The following KHDRBS2 variants were observed in gnomAD, a reference collection of about 807,000 sequenced individuals.
KHDRBS2 encodes KH RNA binding domain containing, signal transduction associated 2.
A neutral mutation model predicts 44.3 loss-of-function variants in KHDRBS2; 26 were observed. The ratio of observed to expected loss-of-function variants is 0.59; its 90% confidence interval spans 0.43 to 0.81. KHDRBS2 has a LOEUF of 0.81. Among genes scored for constraint, KHDRBS2 ranks in the 40% least tolerant of loss-of-function variants. The probability of loss-of-function intolerance (pLI) is 0.00; values close to 1 mark genes in which losing one functional copy is unlikely to be tolerated. For missense variants in KHDRBS2, 476 were observed against 433.1 expected (o/e 1.10, Z -0.88); for synonymous variants, 194 against 151.1 (o/e 1.28, Z -2.08).
the KHDRBS2 span, among the ~76,000 whole-genome samples, chr6:61,637,702 C>T: frequency 6.6e-6 from 1 of 152,092 alleles, no homozygotes; most frequent in East Asian, 1.9e-4. Flanking sequence ...CCTGTTGTTT[C>T]CTGACTTTTT....
Position 62,286,071 on chromosome 6 carries a change from T to A in KHDRBS2, c.-123A>T, listed in dbSNP as rs1408603501. ...TCCTCCGCGCGGCGAGGGATCTCTG[T>A]GCGTCCTCACTGGCCCATGCACCCA... On this transcript the variant is annotated 5_prime_UTR_variant, in exon 1 of 9. Coordinates refer to ENST00000281156, the MANE Select transcript of KHDRBS2 (RefSeq NM_152688.4). 2 of 691,596 alleles carry A rather than the reference T, an allele frequency of 2.9e-6. No individual in the cohort carries two copies. Among genetic ancestry groups the A allele is most frequent in the Non-Finnish European group, 5.2e-6 (2 of 386,720 alleles). 42.8% of individuals were successfully genotyped at this position (691,596 alleles called of 1,614,324 possible).
At chr6:61,732,843 A>G in intron 6 of KHDRBS2, 79 bp from the exon 7 acceptor site, 2 of 791,066 alleles carry the variant, frequency 2.5e-6, no homozygotes, top group South Asian at 2.8e-5. Context: ...ACAATTTTAT[A>G]CAATGTGATC....
intron 1 of KHDRBS2, among the ~76,000 whole-genome samples, chr6:62,236,977 G>C (rs568281756): frequency 6.6e-6 from 1 of 152,136 alleles, no homozygotes; most frequent in Non-Finnish European, 1.5e-5. Context: ...TGATGACTCA[G>C]GATCTATTTT....
chr6:61,960,777 GA>G (rs1768507929), intron 4 of KHDRBS2, among the ~76,000 whole-genome samples: 2 of 152,006 alleles, frequency 1.3e-5, no homozygotes, highest in Non-Finnish European at 2.9e-5. Context: ...GTACATTTGA[GA>G]ACAAATTTTA....
At chr6:62,201,376 T>C (rs1826955499) in intron 1 of KHDRBS2, among the ~76,000 whole-genome samples, 1 of 152,096 alleles carries the variant, frequency 6.6e-6, no homozygotes, top group South Asian at 2.1e-4. Context: ...TTGAAAGTTG[T>C]AAGAAGGGGC....
chr6:62,146,959 G>T (rs1241298283), intron 2 of KHDRBS2, among the ~76,000 whole-genome samples: 1 of 151,836 alleles, frequency 6.6e-6, no homozygotes, highest in African/African-American at 2.4e-5. Context: ...ACTGTAAAAG[G>T]TTATATTTTT....
chr6:62,178,626 T>C (rs1821628784), intron 1 of KHDRBS2, among the ~76,000 whole-genome samples: 1 of 151,582 alleles, frequency 6.6e-6, no homozygotes, highest in South Asian at 2.1e-4. Flanking sequence ...AAAGACTGTG[T>C]AGTTACAACT....
At chr6:61,937,290 T>C (rs939687127) in intron 4 of KHDRBS2, among the ~76,000 whole-genome samples, 2 of 152,014 alleles carry the variant, frequency 1.3e-5, no homozygotes, top group Non-Finnish European at 2.9e-5. Flanking sequence ...TTTATTATAC[T>C]GTCCTGTCTT....
chr6:62,015,706 C>A (rs1007376267), intron 3 of KHDRBS2, among the ~76,000 whole-genome samples: 4 of 152,098 alleles, frequency 2.6e-5, no homozygotes, highest in Non-Finnish European at 5.9e-5. Flanking sequence ...AACAACAGTT[C>A]CATATAGATA....
chr6:62,210,728 A>C (rs1828904055), intron 1 of KHDRBS2, among the ~76,000 whole-genome samples: 1 of 152,114 alleles, frequency 6.6e-6, no homozygotes, highest in African/African-American at 2.4e-5. Flanking sequence ...TAACAGAGAA[A>C]CCTGAATATG....
downstream of KHDRBS2, among the ~76,000 whole-genome samples, chr6:61,678,309 C>T (rs907188492): frequency 7.2e-5 from 11 of 151,982 alleles, no homozygotes; most frequent in African/African-American, 1.9e-4. Context: ...TTCTCGTGTA[C>T]GGAAACCAAG....
At chr6:61,833,979 A>T (rs554951516) in intron 6 of KHDRBS2, among the ~76,000 whole-genome samples, 11 of 152,212 alleles carry the variant, frequency 7.2e-5, no homozygotes, top group Non-Finnish European at 1.2e-4. Flanking sequence ...CTACATATGG[A>T]TATAAAAGAG....
chr6:61,956,118 C>T (rs537814435), intron 4 of KHDRBS2, among the ~76,000 whole-genome samples: 2 of 151,910 alleles, frequency 1.3e-5, no homozygotes, highest in South Asian at 2.1e-4. Context: ...CACTTGAACC[C>T]GGGAGGCACA....
the KHDRBS2 span, among the ~76,000 whole-genome samples, chr6:61,582,933 C>A: frequency 6.6e-6 from 1 of 151,598 alleles, no homozygotes; most frequent in Non-Finnish European, 1.5e-5. Flanking sequence ...TAATTACTTT[C>A]TTCAAAAAAC....
intron 4 of KHDRBS2, among the ~76,000 whole-genome samples, chr6:61,915,018 C>T (rs1339311256): frequency 6.6e-6 from 1 of 152,020 alleles, no homozygotes; most frequent in Non-Finnish European, 1.5e-5. Context: ...AATAATAATC[C>T]AATCCAAAAT....
intron 7 of KHDRBS2, among the ~76,000 whole-genome samples, chr6:61,714,657 T>C (rs1445643471): frequency 1.3e-5 from 2 of 151,876 alleles, no homozygotes; most frequent in Non-Finnish European, 2.9e-5. Flanking sequence ...TAAGTGTCAA[T>C]CAGTGATGAC....
chr6:61,806,926 C>T (rs553358368), intron 6 of KHDRBS2, among the ~76,000 whole-genome samples: 38 of 152,090 alleles, frequency 2.5e-4, no homozygotes, highest in African/African-American at 8.2e-4. Context: ...ATATTGTACT[C>T]ACTGTCTTTA....
intron 1 of KHDRBS2, among the ~76,000 whole-genome samples, chr6:62,277,444 C>T (rs1262413073): frequency 1.3e-4 from 20 of 152,100 alleles, no homozygotes; most frequent in African/African-American, 4.6e-4. Context: ...CGGGTTCACA[C>T]CATTCTCCTG....
At chr6:61,897,724 TC>T (rs1417411703) in intron 5 of KHDRBS2, among the ~76,000 whole-genome samples, 3 of 151,998 alleles carry the variant, frequency 2.0e-5, no homozygotes, top group Non-Finnish European at 2.9e-5. Flanking sequence ...TCTCTCTCTC[TC>T]TCTCTCTCTC....
Sources: gnomAD v4.1 joint callset for allele counts (sites outside exome capture counted in the v4.1 genomes callset) on GRCh38, gnomAD v4.1.1 for gene constraint, MANE v1.5 for transcripts, NCBI Gene and HGNC (gene_info 2026-07-23, HGNC 2026-07-21) for gene names.